KLC4: variants seen among roughly 807,000 people sequenced by gnomAD.
The protein encoded by KLC4 is kinesin-like protein 8.
A neutral mutation model predicts 77.2 loss-of-function variants in KLC4; 49 were observed. The ratio of observed to expected loss-of-function variants is 0.63; its 90% confidence interval spans 0.50 to 0.80. The LOEUF is 0.80. Ranked by LOEUF, KLC4 falls within the 30% of genes least tolerant of loss-of-function variation. The pLI is 0.00. For missense variants in KLC4, 669 were observed against 793.5 expected (o/e 0.84, Z 1.89); for synonymous variants, 274 against 314.5 (o/e 0.87, Z 1.36).
chr6:43,072,684 G>A (rs1313098367), intron 12 of KLC4, 140 bp from the exon 13 acceptor site: 1 of 725,538 alleles, frequency 1.4e-6, no homozygotes, highest in Non-Finnish European at 2.3e-6. Flanking sequence ...GAAAAGGTAA[G>A]TATTATTCCA....
At chr6:43,067,672 G>A (rs549386134) in intron 6 of KLC4, among the ~76,000 whole-genome samples, 166 of 151,544 alleles carry the variant, frequency 1.1e-3, no homozygotes, top group African/African-American at 3.8e-3. Flanking sequence ...GCGGGCGCCT[G>A]TAGTCCTAGC....
chr6:43,061,679 C>T, intron 2 of KLC4, 86 bp downstream of exon 2: 1 of 1,349,634 alleles, frequency 7.4e-7, no homozygotes, highest in Non-Finnish European at 1.0e-6. Context: ...CTTGGGATCA[C>T]CTCACTCTAG....
chr6:43,070,924 G>C (rs1765689374), intron 8 of KLC4, 59 bp downstream of exon 8: 4 of 317,552 alleles, frequency 1.3e-5, no homozygotes, highest in Non-Finnish European at 2.2e-5. Context: ...AGAGGTGGGG[G>C]GAGGGGGGGC....
chr6:43,071,704 C>A, intron 10 of KLC4, 85 bp downstream of exon 10: 1 of 1,488,248 alleles, frequency 6.7e-7, no homozygotes, highest in Non-Finnish European at 9.3e-7. Flanking sequence ...CCAACTCTCA[C>A]TTCCCATCCC....
intron 12 of KLC4, 103 bp downstream of exon 12, chr6:43,072,358 A>G: frequency 1.2e-6 from 1 of 858,278 alleles, no homozygotes; most frequent in Non-Finnish European, 1.9e-6. Context: ...GGAAAGGCTG[A>G]TGAAGCCAGG....
At chr6:43,067,377 T>C in intron 6 of KLC4, 4 of 471,964 alleles carry the variant, frequency 8.5e-6, no homozygotes, top group Non-Finnish European at 1.4e-5. Flanking sequence ...CTCTAATAAA[T>C]ATAAAAGAAA....
intron 15 of KLC4, 72 bp downstream of exon 15, chr6:43,074,037 T>G: frequency 8.3e-7 from 1 of 1,210,854 alleles, no homozygotes; most frequent in Non-Finnish European, 1.2e-6. Context: ...CCCAGTGGAG[T>G]AAGGGAAGAG....
chr6:43,074,418 G>C (rs1237830699), intron 15 of KLC4: 1 of 590,470 alleles, frequency 1.7e-6, no homozygotes, highest in Non-Finnish European at 3.0e-6. Flanking sequence ...GGTTCTTCCA[G>C]GTAGCTTCTC....
At chr6:43,073,408 T>C (rs1765825965) in intron 14 of KLC4, 70 bp downstream of exon 14, 1 of 1,142,008 alleles carries the variant, frequency 8.8e-7, no homozygotes, top group Non-Finnish European at 1.3e-6. Flanking sequence ...CCCAGCACTT[T>C]GGGAGGCCGA....
intron 14 of KLC4, 94 bp downstream of exon 14, chr6:43,073,432 C>A (rs1169451101): frequency 1.2e-6 from 1 of 810,508 alleles, no homozygotes; most frequent in East Asian, 2.8e-5. Context: ...GGGTGGATCA[C>A]CTGAGGTCAG....
At chr6:43,059,806 ACT>A (rs1347664740) in intron 1 of KLC4, 121 bp downstream of exon 1, 152 of 1,163,216 alleles carry the variant, frequency 1.3e-4, no homozygotes, top group Non-Finnish European at 1.6e-4. Flanking sequence ...AGCCTCCAAA[ACT>A]CCGCCCTTCG....
chr6:43,068,522 A>AAG (rs1765568285), intron 6 of KLC4, among the ~76,000 whole-genome samples: 1 of 147,824 alleles, frequency 6.8e-6, no homozygotes, highest in Non-Finnish European at 1.5e-5. Context: ...GTATAAGAGG[A>AAG]AGAGACTGGG....
intron 6 of KLC4, among the ~76,000 whole-genome samples, chr6:43,067,841 G>T (rs1765518279): frequency 8.3e-6 from 1 of 121,004 alleles, no homozygotes; most frequent in South Asian, 2.7e-4. Flanking sequence ...GGCCGGGCGC[G>T]GTGGCTCACG....
At chr6:43,072,027 C>A in intron 11 of KLC4, 105 bp downstream of exon 11, 1 of 1,398,624 alleles carries the variant, frequency 7.1e-7, no homozygotes, top group Non-Finnish European at 1.0e-6. Context: ...TTTCCCTCAG[C>A]TTTAGCTCTG....
chr6:43,066,513 C>G lies in KLC4; in HGVS notation c.779C>G (p.Ala260Gly). The change falls in exon 5 of 16, where the codon GCT (alanine) becomes GGT (glycine). Residue 260 changes from alanine to glycine, a missense_variant. Physicochemically the swap from Ala to Gly is moderately conservative, Grantham distance 60 (BLOSUM62 0). Coordinates refer to ENST00000347162, the MANE Select transcript of KLC4 (RefSeq NM_201521.3). ...PDVATMLNIL[A>G]LVYRDQNKYK... ...GTCGCCACCATGCTCAACATCCTTG[C>G]TTTGGTGTATCGGTGAGGACTTCCC... The G allele has an allele frequency of 6.2e-7, 1 of 1,612,712 alleles. No individual in the cohort carries two copies. Among genetic ancestry groups the G allele is most frequent in the Non-Finnish European group, 8.5e-7 (1 of 1,179,136 alleles).
At chr6:43,062,563 G>A (rs1765215267) in intron 2 of KLC4, 1 of 277,272 alleles carries the variant, frequency 3.6e-6, no homozygotes, top group Non-Finnish European at 7.0e-6. Flanking sequence ...CTTTGAGCGA[G>A]ATGGAAACTA....
intron 11 of KLC4, 60 bp downstream of exon 11, chr6:43,071,982 C>A: frequency 6.6e-7 from 1 of 1,518,372 alleles, no homozygotes; most frequent in Non-Finnish European, 9.0e-7. Flanking sequence ...TCCCTGCTCC[C>A]AGCCTCCCAG....
intron 3 of KLC4, 176 bp from the exon 4 acceptor site, chr6:43,065,444 C>T: frequency 1.9e-6 from 1 of 536,632 alleles, no homozygotes; most frequent in Non-Finnish European, 3.4e-6. Context: ...CTGGCTGTTA[C>T]AAACAAGAGG....
At chr6:43,060,887 C>A (rs1765112660) in intron 1 of KLC4, among the ~76,000 whole-genome samples, 1 of 152,078 alleles carries the variant, frequency 6.6e-6, no homozygotes, top group African/African-American at 2.4e-5. Context: ...TTTTCTAGAC[C>A]CCTGCATTAT....
Sources: gnomAD v4.1 joint callset for allele counts (sites outside exome capture counted in the v4.1 genomes callset) on GRCh38, gnomAD v4.1.1 for gene constraint, MANE v1.5 for transcripts, NCBI Gene and HGNC (gene_info 2026-07-23, HGNC 2026-07-21) for gene names.